The following LAMA4 variants were observed in gnomAD, a reference collection of about 807,000 sequenced individuals.
The protein encoded by LAMA4 is laminin subunit alpha-4.
A neutral mutation model predicts 207.1 loss-of-function variants in LAMA4; 127 were observed. That is an observed-to-expected ratio of 0.61 (90% CI 0.53 to 0.71). The LOEUF is 0.71. Among genes scored for constraint, LAMA4 ranks in the 30% least tolerant of loss-of-function variants. The pLI is 0.00. For synonymous variants in LAMA4, 761 were observed against 816.0 expected (o/e 0.93, Z 1.15); for missense variants, 2,093 against 2,246.5 (o/e 0.93, Z 1.38).
In LAMA4 at chr6:112,216,410, A is replaced by G. The variant is rs1554358692; in HGVS notation, c.255T>C (p.Asn85=). 4 of 1,614,102 alleles carry G rather than the reference A, an allele frequency of 2.5e-6. No homozygotes were observed. The South Asian group carries it at 3.3e-5, about 13-fold the overall frequency. Residue 85 remains asparagine (N), a synonymous_variant, in exon 3 of 39, where the codon AAT becomes AAC. Transcript: ENST00000230538. The part of the protein sequence containing the change: ...LSGECVPCDC[N]GNSNECLDGS... ...CGTCCAAACACTCGTTGGAATTGCCATTACAGTCGCAGGGCACACATTCTC... is the reference window on the plus strand; with the variant it reads ...CGTCCAAACACTCGTTGGAATTGCCGTTACAGTCGCAGGGCACACATTCTC...
intron 38 of LAMA4, among the ~76,000 whole-genome samples, chr6:112,110,299 T>A (rs1777623716): frequency 6.6e-6 from 1 of 152,196 alleles, no homozygotes; most frequent in South Asian, 2.1e-4. Flanking sequence ...TTAAAGCGAT[T>A]TAGAGAGCTT....
chr6:112,202,510 T>C (rs549200832), intron 4 of LAMA4, among the ~76,000 whole-genome samples: 3 of 152,254 alleles, frequency 2.0e-5, no homozygotes, highest in South Asian at 2.1e-4. Flanking sequence ...GCTTTGGTAC[T>C]ATACAACCAA....
At chr6:112,162,874 T>C (rs1416886909) in intron 13 of LAMA4, among the ~76,000 whole-genome samples, 1 of 151,290 alleles carries the variant, frequency 6.6e-6, no homozygotes, top group African/African-American at 2.4e-5. Context: ...GGAGAGAGTA[T>C]AGGTAGAAAA....
intron 12 of LAMA4, among the ~76,000 whole-genome samples, chr6:112,166,023 C>T (rs1781365224): frequency 6.6e-6 from 1 of 152,062 alleles, no homozygotes. Context: ...ACTCATTTTA[C>T]AATTTGAGTG....
At position 112,250,153 on chromosome 6, in the gene LAMA4, G is replaced by T. The variant is rs115900170; in HGVS notation, c.195+3803C>A. Among the ~76,000 whole-genome samples, 1,500 of 152,310 alleles carry T rather than the reference G, an allele frequency of 9.8e-3. 22 individuals carry two copies. The highest frequency in any genetic ancestry group is 0.035 in the African/African-American group (1,436 of 41,562). On this transcript the variant is annotated intron_variant, in intron 2 of 38. Transcript: ENST00000230538. ...GGGGTTCAGATTACCTAATTGAATT[G>T]TTGGAACAGCAATGTAGAGTGATAA...
Position 112,109,450 on chromosome 6 carries a change from C to G in LAMA4, c.5459G>C (p.Cys1820Ser). ...LVSGAVSINS[C>S]PAA ...TGCTCTGTCATGTCAGGCTGCTGGA[C>G]AGGAGTTGATGCTTACGGCGCCGCT... The change falls in exon 39 of 39, where the codon TGT (cysteine) becomes TCT (serine). Residue 1820 changes from cysteine to serine, a missense_variant. By Grantham distance (112) the Cys-to-Ser change is moderately radical. Transcript: ENST00000230538. 6.2e-7 allele frequency: 1 copy of G among 1,613,906 alleles called. No individual in the cohort carries two copies. Among genetic ancestry groups the G allele is most frequent in the African/African-American group, 1.3e-5 (1 of 75,014 alleles).
intron 36 of LAMA4, among the ~76,000 whole-genome samples, chr6:112,115,607 C>T (rs782058860): frequency 6.6e-6 from 1 of 152,220 alleles, no homozygotes; most frequent in South Asian, 2.1e-4. Context: ...TCATTCTTCT[C>T]TTAAAACTGT....
In LAMA4 at chr6:112,172,728, C is replaced by T; in HGVS notation, c.1434G>A (p.Leu478=). Residue 478 remains leucine, a synonymous_variant, in exon 12 of 39, where the codon CTG becomes CTA. Coordinates refer to ENST00000230538, the MANE Select transcript of LAMA4 (RefSeq NM_001105206.3). ...RTLFPVVLEQ[L]DDYNAKLSDL... ...CTGACAACTTAGCATTGTAGTCATC[C>T]AGCTGCTCCAGGACGACAGGAAACA... The T allele has an allele frequency of 6.2e-7, 1 of 1,614,000 alleles. No homozygotes were observed. Among genetic ancestry groups the T allele is most frequent in the East Asian group, 2.2e-5 (1 of 44,858 alleles).
At chr6:112,201,534 G>T in intron 5 of LAMA4, 74 bp downstream of exon 5, 1 of 1,191,384 alleles carries the variant, frequency 8.4e-7, no homozygotes, top group Non-Finnish European at 1.3e-6. Flanking sequence ...TGGGAGTATG[G>T]CAGAGCTGTT....
chr6:112,240,996 G>T (rs1379759273), intron 2 of LAMA4, among the ~76,000 whole-genome samples: 1 of 149,270 alleles, frequency 6.7e-6, no homozygotes, highest in Non-Finnish European at 1.5e-5. Flanking sequence ...TACTGTGTCA[G>T]CTCTTTCCAT....
Position 112,136,222 on chromosome 6 carries a change from A to G in LAMA4, c.3315T>C (p.Gly1105=). Residue 1105 remains glycine (G), a synonymous_variant, in exon 25 of 39, where the codon GGT becomes GGC. Coordinates refer to ENST00000230538, the MANE Select transcript of LAMA4 (RefSeq NM_001105206.3). ...SMFFRLEMRN[G]YLHVFYDFGF... ...CAAAATCATAGAACACATGTAGGTA[A>G]CCATTGCGCATTTCCAGTCTGAAAA... The G allele has an allele frequency of 6.2e-7, 1 of 1,612,032 alleles. No homozygotes were observed.
intron 4 of LAMA4, among the ~76,000 whole-genome samples, chr6:112,205,454 C>T (rs892762219): frequency 1.3e-5 from 2 of 151,102 alleles, no homozygotes; most frequent in African/African-American, 4.8e-5. Flanking sequence ...CTTCAAATCC[C>T]ATGGAAAGTG....
At chr6:112,238,941 C>A (rs1337988049) in intron 2 of LAMA4, among the ~76,000 whole-genome samples, 1 of 152,078 alleles carries the variant, frequency 6.6e-6, no homozygotes, top group Non-Finnish European at 1.5e-5. Context: ...TGAATTGTGT[C>A]CCCTCAAAAT....
intron 2 of LAMA4, among the ~76,000 whole-genome samples, chr6:112,232,668 C>T (rs141455162): frequency 6.6e-6 from 1 of 152,082 alleles, no homozygotes; most frequent in African/African-American, 2.4e-5. Flanking sequence ...TGTTACAGCA[C>T]GTTTCTAAAA....
intron 2 of LAMA4, among the ~76,000 whole-genome samples, chr6:112,232,450 C>T (rs1287661021): frequency 6.6e-6 from 1 of 152,074 alleles, no homozygotes; most frequent in Non-Finnish European, 1.5e-5. Context: ...TTTCCCTTCC[C>T]TAAGATTTCA....
chr6:112,155,731 T>G (rs782609856), intron 14 of LAMA4, 25 bp from the exon 15 acceptor site: 2 of 1,613,162 alleles, frequency 1.2e-6, no homozygotes, highest in Non-Finnish European at 1.7e-6. Context: ...ACATTGTTAT[T>G]TCTCCTTCTT....
At chr6:112,250,712 C>T (rs1187786562) in intron 2 of LAMA4, among the ~76,000 whole-genome samples, 4 of 152,212 alleles carry the variant, frequency 2.6e-5, no homozygotes, top group Admixed American at 6.5e-5. Flanking sequence ...TGTGTGGCTT[C>T]TTTCCAGCCA....
At chr6:112,189,727 C>A (rs1583840421) in intron 6 of LAMA4, among the ~76,000 whole-genome samples, 1 of 152,300 alleles carries the variant, frequency 6.6e-6, no homozygotes, top group Middle Eastern at 3.4e-3. Context: ...GCAAGACAGA[C>A]TCCAAACCTC....
intron 9 of LAMA4, among the ~76,000 whole-genome samples, chr6:112,184,141 A>G (rs782779648): frequency 6.6e-6 from 1 of 152,052 alleles, no homozygotes; most frequent in South Asian, 2.1e-4. Flanking sequence ...GCCGGGAACT[A>G]GGGACACAAT....
Sources: gnomAD v4.1 joint callset for allele counts (sites outside exome capture counted in the v4.1 genomes callset) on GRCh38, gnomAD v4.1.1 for gene constraint, MANE v1.5 for transcripts, NCBI Gene and HGNC (gene_info 2026-07-23, HGNC 2026-07-21) for gene names.